Variants in ATP2C1 observed in about 807,000 individuals in gnomAD.
ATP2C1 encodes the protein calcium-transporting ATPase type 2C member 1.
Under a neutral mutation model 120.5 loss-of-function variants are expected in ATP2C1, and 31 were observed. That is an observed-to-expected ratio of 0.26 (90% CI 0.19 to 0.35). The LOEUF (loss-of-function observed/expected upper bound fraction) is 0.35, where lower values mean the gene tolerates loss of function less well. Among genes scored for constraint, ATP2C1 ranks in the 10% least tolerant of loss-of-function variants. The probability of loss-of-function intolerance (pLI) is 1.00; values close to 1 mark genes in which losing one functional copy is unlikely to be tolerated. For missense variants in ATP2C1, 731 were observed against 1,107.5 expected (o/e 0.66, Z 4.83); for synonymous variants, 351 against 358.7 (o/e 0.98, Z 0.24).
At chr3:130,955,105 G>C in intron 10 of ATP2C1, 25 bp downstream of exon 10, 1 of 1,487,260 alleles carries the variant, frequency 6.7e-7, no homozygotes, top group South Asian at 1.1e-5. Flanking sequence ...TGTTAATGAT[G>C]TATTTGTTCC....
At chr3:130,854,032 T>A (rs1376667791) in intron 1 of ATP2C1, among the ~76,000 whole-genome samples, 1 of 134,052 alleles carries the variant, frequency 7.5e-6, no homozygotes, top group Non-Finnish European at 1.7e-5. Context: ...TTCTCGCACT[T>A]GGTGTCATAC....
At chr3:130,863,945 G>A (rs1424726894) in intron 1 of ATP2C1, among the ~76,000 whole-genome samples, 1 of 152,150 alleles carries the variant, frequency 6.6e-6, no homozygotes, top group Non-Finnish European at 1.5e-5. Context: ...GACTAATATA[G>A]TAAATTGGTA....
intron 18 of ATP2C1, among the ~76,000 whole-genome samples, chr3:130,977,114 G>A (rs917734909): frequency 3.0e-4 from 46 of 152,016 alleles, no homozygotes; most frequent in Admixed American, 3.0e-3. Context: ...GACTTAAGGG[G>A]CACTGCAGGG....
At chr3:130,955,115 C>T in intron 10 of ATP2C1, 35 bp downstream of exon 10, 3 of 1,394,828 alleles carry the variant, frequency 2.2e-6, no homozygotes, top group Non-Finnish European at 2.0e-6. Context: ...GTATTTGTTC[C>T]AAATCTGAAA....
chr3:130,869,436 A>AT (rs2068349765), intron 1 of ATP2C1: 1 of 29,638 alleles, frequency 3.4e-5, no homozygotes, highest in African/African-American at 6.1e-5. Flanking sequence ...AAATAAAAAA[A>AT]AAAAAAAAAA....
intron 20 of ATP2C1, among the ~76,000 whole-genome samples, chr3:130,984,345 C>G (rs913986047): frequency 2.0e-5 from 3 of 152,146 alleles, no homozygotes; most frequent in Non-Finnish European, 2.9e-5. Context: ...ACACTAAATT[C>G]CTGCATGTGA....
intron 1 of ATP2C1, among the ~76,000 whole-genome samples, chr3:130,888,511 G>C (rs1282897717): frequency 6.6e-6 from 1 of 152,198 alleles, no homozygotes; most frequent in Non-Finnish European, 1.5e-5. Flanking sequence ...TCTGACAATT[G>C]GGATGGTCCA....
chr3:130,989,218 G>T (rs1023631162), intron 20 of ATP2C1, among the ~76,000 whole-genome samples: 10 of 141,298 alleles, frequency 7.1e-5, no homozygotes, highest in Non-Finnish European at 1.4e-4. Flanking sequence ...CTGCACTCCA[G>T]CCTGGGCTAC....
chr3:130,916,252 A>G (rs1300567524), intron 2 of ATP2C1, among the ~76,000 whole-genome samples: 3 of 151,326 alleles, frequency 2.0e-5, no homozygotes, highest in Non-Finnish European at 2.9e-5. Flanking sequence ...CTCAAAAAAA[A>G]AAAAAAACAA....
chr3:130,875,073 G>A (rs948659498), intron 1 of ATP2C1, among the ~76,000 whole-genome samples: 1 of 152,144 alleles, frequency 6.6e-6, no homozygotes, highest in Non-Finnish European at 1.5e-5. Context: ...TAATCATCAA[G>A]TAAGGGCAAT....
Position 131,001,258 on chromosome 3 carries a change from A to C in ATP2C1, c.2668A>C (p.Ile890Leu), listed in dbSNP as rs763903982. ...TTTGGGTCTCACCTCATCAGTGTGC[A>C]TAGTGGCAGAAATTATAAAGAAGGT... Reference protein sequence around the residue: ...FLLGLTSSVCIVAEIIKKVER... With the variant: ...FLLGLTSSVCLVAEIIKKVER... Residue 890 changes from isoleucine (I) to leucine (L), a missense_variant, in exon 28 of 28, where the codon ATA becomes CTA. Ile to Leu is a conservative substitution (Grantham distance 5, BLOSUM62 2). This residue lies in a region of ATP2C1 where 141 missense variants were observed against 201.6 expected (regional missense o/e 0.70). Coordinates refer to ENST00000510168, the MANE Select transcript of ATP2C1 (RefSeq NM_001378687.1). 1 of 1,613,978 alleles carries C rather than the reference A, an allele frequency of 6.2e-7. No individual in the cohort carries two copies. The highest frequency in any genetic ancestry group is 1.1e-5 in the South Asian group (1 of 91,080).
intron 2 of ATP2C1, among the ~76,000 whole-genome samples, chr3:130,919,502 A>G (rs1391528119): frequency 2.6e-5 from 4 of 152,128 alleles, no homozygotes; most frequent in Admixed American, 1.3e-4. Context: ...TACAGGCATG[A>G]GCTACCACGC....
intron 17 of ATP2C1, among the ~76,000 whole-genome samples, chr3:130,971,760 G>A (rs2061326891): frequency 1.3e-5 from 2 of 152,106 alleles, no homozygotes; most frequent in Non-Finnish European, 1.5e-5. Flanking sequence ...TAGGCCAGAC[G>A]GTTAGCCTTC....
At chr3:130,947,721 A>G (rs1006140406) in intron 8 of ATP2C1, among the ~76,000 whole-genome samples, 4 of 151,808 alleles carry the variant, frequency 2.6e-5, no homozygotes, top group African/African-American at 9.7e-5. Context: ...CTTGTTTTCT[A>G]TTTGTGTTAT....
At chr3:130,863,053 G>C (rs1461790184) in intron 1 of ATP2C1, among the ~76,000 whole-genome samples, 4 of 151,986 alleles carry the variant, frequency 2.6e-5, no homozygotes, top group Non-Finnish European at 4.4e-5. Context: ...AAGCTTTGTT[G>C]GCTTCCAAGA....
chr3:130,871,949 G>A (rs1466039561), intron 1 of ATP2C1, among the ~76,000 whole-genome samples: 2 of 151,440 alleles, frequency 1.3e-5, no homozygotes, highest in African/African-American at 4.9e-5. Flanking sequence ...TTGAACCTGG[G>A]AGGCAGAGGT....
chr3:130,855,601 G>A (rs2067812148), intron 1 of ATP2C1, among the ~76,000 whole-genome samples: 1 of 152,072 alleles, frequency 6.6e-6, no homozygotes, highest in African/African-American at 2.4e-5. Flanking sequence ...GTCAGTGCTG[G>A]GATTAGAATT....
intron 11 of ATP2C1, among the ~76,000 whole-genome samples, chr3:130,956,696 G>C (rs1171147520): frequency 6.6e-6 from 1 of 151,828 alleles, no homozygotes; most frequent in Non-Finnish European, 1.5e-5. Context: ...AAATTATTTA[G>C]TCAAAGGGGA....
At chr3:130,972,824 A>G (rs866421128) in intron 17 of ATP2C1, among the ~76,000 whole-genome samples, 3 of 151,866 alleles carry the variant, frequency 2.0e-5, no homozygotes, top group Admixed American at 6.6e-5. Flanking sequence ...ATAGTATTCC[A>G]TGGTGTATTA....
Sources: gnomAD v4.1 joint callset for allele counts (sites outside exome capture counted in the v4.1 genomes callset) on GRCh38, gnomAD v4.1.1 for gene constraint, gnomAD v4.1.1 regional missense constraint, MANE v1.5 for transcripts, NCBI Gene and HGNC (gene_info 2026-07-23, HGNC 2026-07-21) for gene names.